Variants in PHLDB2 observed in about 807,000 individuals in gnomAD.
PHLDB2 encodes pleckstrin homology like domain family B member 2, also known as pleckstrin homology-like domain family B member 2.
PHLDB2 carries 71 observed loss-of-function variants against 123.6 expected under a neutral mutation model. That is an observed-to-expected ratio of 0.57 (90% CI 0.47 to 0.70). The LOEUF is 0.70. Ranked by LOEUF, PHLDB2 falls within the 30% of genes least tolerant of loss-of-function variation. The probability of loss-of-function intolerance (pLI) is 0.00; values close to 1 mark genes in which losing one functional copy is unlikely to be tolerated. For synonymous variants in PHLDB2, 547 were observed against 541.6 expected, an observed-to-expected ratio of 1.01 and a Z score of -0.14; for missense variants, 1,446 against 1,519.5, an observed-to-expected ratio of 0.95 and a Z score of 0.80.
chr3:111,784,901 T>G (rs1231649438), intron 1 of PHLDB2, among the ~76,000 whole-genome samples: 1 of 152,162 alleles, frequency 6.6e-6, no homozygotes, highest in Non-Finnish European at 1.5e-5. Flanking sequence ...TCTATTTTGA[T>G]ATTATAAGTA....
intron 13 of PHLDB2, among the ~76,000 whole-genome samples, chr3:111,965,243 G>A (rs1483040096): frequency 6.6e-6 from 1 of 152,154 alleles, no homozygotes; most frequent in Non-Finnish European, 1.5e-5. Context: ...CTTTCATGTG[G>A]GAGAAAACAC....
At chr3:111,822,295 A>ATGTGTGTGTGTGTGTGTG (rs35687126) in intron 1 of PHLDB2, among the ~76,000 whole-genome samples, 85 of 144,118 alleles carry the variant, frequency 5.9e-4, no homozygotes, top group Middle Eastern at 3.5e-3. Flanking sequence ...ATCTTTATGT[A>ATGTGTGTGTGTGTGTGTG]TGTGTGTGTG....
chr3:111,800,067 C>T (rs1001593214), intron 1 of PHLDB2, among the ~76,000 whole-genome samples: 1 of 152,100 alleles, frequency 6.6e-6, no homozygotes, highest in South Asian at 2.1e-4. Context: ...TGTGGTGGCA[C>T]AATCACGGCT....
intron 1 of PHLDB2, among the ~76,000 whole-genome samples, chr3:111,772,291 G>T (rs1380320040): frequency 6.6e-6 from 1 of 151,990 alleles, no homozygotes; most frequent in Non-Finnish European, 1.5e-5. Context: ...AGTTCTACAA[G>T]TAGTATTTTC....
chr3:111,944,812 A>G (rs1021454929), intron 8 of PHLDB2, among the ~76,000 whole-genome samples: 1 of 151,982 alleles, frequency 6.6e-6, no homozygotes, highest in East Asian at 1.9e-4. Context: ...AGCTGGGACT[A>G]CAGGTGCCTG....
At chr3:111,958,273 A>G in intron 12 of PHLDB2, 1 of 989,124 alleles carries the variant, frequency 1.0e-6, no homozygotes, top group South Asian at 4.6e-5. Flanking sequence ...GACTGTCATT[A>G]GGAAGAATGA....
At chr3:111,815,066 CTT>C (rs1175170917) in intron 1 of PHLDB2, among the ~76,000 whole-genome samples, 1 of 152,174 alleles carries the variant, frequency 6.6e-6, no homozygotes, top group Non-Finnish European at 1.5e-5. Context: ...CAAGCTCTCT[CTT>C]TGCCTGCTGC....
At chr3:111,948,104 G>A in intron 9 of PHLDB2, among the ~76,000 whole-genome samples, 1 of 152,130 alleles carries the variant, frequency 6.6e-6, no homozygotes, top group East Asian at 1.9e-4. Context: ...TGATCCGTGG[G>A]TATTTTCTCT....
intron 1 of PHLDB2, among the ~76,000 whole-genome samples, chr3:111,860,124 G>A (rs1270847375): frequency 6.6e-6 from 1 of 152,090 alleles, no homozygotes; most frequent in South Asian, 2.1e-4. Flanking sequence ...GGGGAACTGG[G>A]GGCAACTTTT....
chr3:111,780,399 A>AGAAGAAGAAGAAGGAGGAG, intron 1 of PHLDB2, among the ~76,000 whole-genome samples: 1 of 74,452 alleles, frequency 1.3e-5, no homozygotes, highest in East Asian at 4.3e-4. Context: ...AAGAAGAAGA[A>AGAAGAAGAAGAAGGAGGAG]GAAGAAGAAG....
chr3:111,792,935 G>A (rs2060990038), intron 1 of PHLDB2, among the ~76,000 whole-genome samples: 1 of 152,172 alleles, frequency 6.6e-6, no homozygotes, highest in Non-Finnish European at 1.5e-5. Context: ...TGAGGGTAGG[G>A]AGACACAAGC....
Position 111,859,430 on chromosome 3 carries a change from A to T in PHLDB2, c.-161A>T, listed in dbSNP as rs1307725956. 2.0e-6 allele frequency: 2 copies of T among 985,432 alleles called. No homozygotes were observed. Among genetic ancestry groups the T allele is most frequent in the South Asian group, 4.7e-5 (1 of 21,284 alleles). 61.0% of individuals were successfully genotyped at this position (985,432 alleles called of 1,614,324 possible). On this transcript the variant is annotated 5_prime_UTR_variant, in exon 1 of 18. Transcript: ENST00000431670. ...CCTGGGTGCCCGCCGCGGTGGTTACAAAGGGGGTCAAGAGTGCCGGACCCA... is the reference window on the plus strand; with the variant it reads ...CCTGGGTGCCCGCCGCGGTGGTTACTAAGGGGGTCAAGAGTGCCGGACCCA...
intron 2 of PHLDB2, among the ~76,000 whole-genome samples, chr3:111,889,188 A>G (rs138738694): frequency 0.011 from 1,670 of 152,312 alleles, 22 homozygotes; most frequent in Non-Finnish European, 0.013. Context: ...TCATCATAAA[A>G]CATTCAAGTT....
chr3:111,776,390 T>C (rs1177347699), intron 1 of PHLDB2, among the ~76,000 whole-genome samples: 2 of 152,180 alleles, frequency 1.3e-5, no homozygotes, highest in African/African-American at 4.8e-5. Flanking sequence ...TAATGTAACC[T>C]ATTTTCAAAG....
chr3:111,872,553 T>C (rs1437576965), intron 1 of PHLDB2, among the ~76,000 whole-genome samples: 1 of 152,154 alleles, frequency 6.6e-6, no homozygotes, highest in Non-Finnish European at 1.5e-5. Flanking sequence ...CTGCTCTCAT[T>C]GCCTAGGGAA....
chr3:111,851,596 TAA>T (rs1269867705), intron 2 of PHLDB2, among the ~76,000 whole-genome samples: 1 of 152,208 alleles, frequency 6.6e-6, no homozygotes, highest in Non-Finnish European at 1.5e-5. Flanking sequence ...GCGGCTTTAT[TAA>T]AGTCTTTAAA....
intron 1 of PHLDB2, among the ~76,000 whole-genome samples, chr3:111,785,934 G>A (rs1433367033): frequency 1.3e-5 from 2 of 152,082 alleles, no homozygotes; most frequent in Admixed American, 6.6e-5. Flanking sequence ...AGGAAGGATT[G>A]GCATGAAAAT....
chr3:111,948,378 A>G (rs1406924475), intron 9 of PHLDB2, among the ~76,000 whole-genome samples: 1 of 152,234 alleles, frequency 6.6e-6, no homozygotes, highest in Non-Finnish European at 1.5e-5. Context: ...CCCAAAAGCT[A>G]GAACCCACTG....
At chr3:111,944,673 T>G (rs963948769) in intron 8 of PHLDB2, among the ~76,000 whole-genome samples, 3 of 151,968 alleles carry the variant, frequency 2.0e-5, no homozygotes, top group African/African-American at 7.2e-5. Context: ...TTTGTTGGTT[T>G]TTTTTTTGTT....
Sources: gnomAD v4.1 joint callset for allele counts (sites outside exome capture counted in the v4.1 genomes callset) on GRCh38, gnomAD v4.1.1 for gene constraint, MANE v1.5 for transcripts, NCBI Gene and HGNC (gene_info 2026-07-23, HGNC 2026-07-21) for gene names.